The following CCDC33 variants were observed in gnomAD, a reference collection of about 807,000 sequenced individuals.
The protein encoded by CCDC33 is coiled-coil domain containing 33.
CCDC33 carries 94 observed loss-of-function variants against 91.9 expected under a neutral mutation model. That is an observed-to-expected ratio of 1.02 (90% CI 0.87 to 1.21). CCDC33 has a LOEUF of 1.21. CCDC33 is among the 50% of genes most tolerant of loss of function. CCDC33 has a pLI of 0.00. For missense variants in CCDC33, 940 were observed against 935.5 expected (o/e 1.00, Z -0.06); for synonymous variants, 396 against 374.5 (o/e 1.06, Z -0.66).
rs1595926016 is a variant in CCDC33, at chr15:74,243,650, T to A, written c.22-335T>A. ...GCTAGAGGGTGGCAGTGAAGGGAGG[T>A]GCCGCAGCAGAGGAGGCCACTCAGG... On this transcript the variant is annotated intron_variant, in intron 1 of 18. Coordinates refer to ENST00000398814, the MANE Select transcript of CCDC33 (RefSeq NM_025055.5). 7.8e-5 allele frequency: 36 copies of A among 460,334 alleles called. 1 individual carries two copies. Among genetic ancestry groups the A allele is most frequent in the South Asian group, 5.6e-4 (36 of 64,488 alleles). The allele number at this position is 460,334 out of a possible 1,614,324, so 28.5% of individuals were successfully genotyped here. A position where few individuals can be genotyped will look rare whatever the true frequency, so the allele number is the denominator to read the frequency against.
rs768224814 is a variant in CCDC33, at chr15:74,280,735, T to C, written c.957T>C (p.Arg319=). The change falls in exon 9 of 19, where the codon CGT becomes CGC. Residue 319 remains arginine, a synonymous_variant. Transcript: ENST00000398814. ...TCTCTGTGTTGCCGCTAAAGAGCCG[T>C]TTGTACCAGAAGATGCTGACAGGGA... ...LGISVLPLKS[R]LYQKMLTGKG... The C allele has an allele frequency of 1.3e-6, 2 of 1,577,114 alleles. No individual in the cohort carries two copies. Among genetic ancestry groups the C allele is most frequent in the Non-Finnish European group, 1.7e-6 (2 of 1,161,444 alleles).
rs1480222485 is a variant in CCDC33, at chr15:74,220,891, C to T, written c.675+2030C>T. 2.6e-5 allele frequency among the ~76,000 whole-genome samples: 4 copies of T among 152,168 alleles called. No individual in the cohort carries two copies. In the East Asian group the frequency reaches 5.8e-4, roughly 22 times the overall value. On this transcript the variant is annotated intron_variant, in intron 2 of 2. Transcript: ENST00000635913. ...CTGTTTCAGCTCCAGATAACTTGCT[C>T]TAGCAGTTCAGGCTAAGGAAGGCAG...
intron 2 of CCDC33, among the ~76,000 whole-genome samples, chr15:74,256,031 A>C (rs1195282606): frequency 2.0e-5 from 3 of 152,236 alleles, no homozygotes; most frequent in Non-Finnish European, 4.4e-5. Flanking sequence ...TTGCCCAGGC[A>C]GTGGGAACTG....
intron 10 of CCDC33, among the ~76,000 whole-genome samples, chr15:74,292,532 C>T (rs150708208): frequency 8.5e-5 from 13 of 152,316 alleles, no homozygotes; most frequent in Non-Finnish European, 1.8e-4. Flanking sequence ...AAGCAACTCC[C>T]TCTGATGTGC....
chr15:74,306,659 A>G (rs2059899197), intron 11 of CCDC33, among the ~76,000 whole-genome samples: 1 of 152,136 alleles, frequency 6.6e-6, no homozygotes, highest in African/African-American at 2.4e-5. Flanking sequence ...AATGGAGCGA[A>G]TGCCTCCCTC....
At chr15:74,287,920 TCTC>T (rs945063470) in intron 10 of CCDC33, among the ~76,000 whole-genome samples, 4 of 152,122 alleles carry the variant, frequency 2.6e-5, no homozygotes, top group Non-Finnish European at 5.9e-5. Context: ...CCATCCCACC[TCTC>T]CTCCTGCGCT....
At chr15:74,232,273 C>A (rs1175266772), upstream of CCDC33, among the ~76,000 whole-genome samples, 1 of 152,084 alleles carries the variant, frequency 6.6e-6, no homozygotes. Flanking sequence ...AGAAGGCATT[C>A]AAATTCAGGA....
intron 7 of CCDC33, 21 bp downstream of exon 7, chr15:74,272,912 T>C: frequency 6.2e-7 from 1 of 1,613,842 alleles, no homozygotes; most frequent in Non-Finnish European, 8.5e-7. Context: ...TCCCCAGTGG[T>C]TCCAGCTTCC....
At position 74,217,520 on chromosome 15, in the gene CCDC33, G is replaced by A. The variant is rs1385673919; in HGVS notation, c.249G>A (p.Gln83=). Reference sequence around the variant, plus strand: ...CTGCTATCACTGATGTCATTGAGCAGCAGGAGCCTGGCCAGAGCCTCACCC... The same window carrying A: ...CTGCTATCACTGATGTCATTGAGCAACAGGAGCCTGGCCAGAGCCTCACCC... The change falls in exon 1 of 3, where the codon CAG becomes CAA. Residue 83 remains glutamine, a synonymous_variant. Coordinates refer to the CCDC33 transcript ENST00000635913. 9 of 1,285,884 alleles carry A rather than the reference G, an allele frequency of 7.0e-6. No homozygotes were observed. In the South Asian group the frequency reaches 9.9e-5, roughly 14 times the overall value. 79.7% of individuals were successfully genotyped at this position (1,285,884 alleles called of 1,614,324 possible).
upstream of CCDC33, chr15:74,217,187 G>A (rs767684246): frequency 2.6e-5 from 27 of 1,051,232 alleles, no homozygotes; most frequent in Non-Finnish European, 3.3e-5. Context: ...TGAGCACCCA[G>A]CCTGCAGGCT....
upstream of CCDC33, among the ~76,000 whole-genome samples, chr15:74,232,163 G>A (rs1289425831): frequency 1.3e-5 from 2 of 152,196 alleles, no homozygotes; most frequent in Admixed American, 6.5e-5. Flanking sequence ...TGGTGGTGAC[G>A]ATGACAGCAG....
chr15:74,277,906 T>A (rs1308510995), intron 7 of CCDC33, among the ~76,000 whole-genome samples: 1 of 152,210 alleles, frequency 6.6e-6, no homozygotes, highest in Non-Finnish European at 1.5e-5. Flanking sequence ...GAGCAAGGTA[T>A]GGACGGCAGG....
At chr15:74,276,876 G>T (rs2076463714) in intron 7 of CCDC33, among the ~76,000 whole-genome samples, 1 of 152,204 alleles carries the variant, frequency 6.6e-6, no homozygotes, top group Non-Finnish European at 1.5e-5. Flanking sequence ...GGGGTCAGAA[G>T]TCATGGCTTT....
intron 4 of CCDC33, among the ~76,000 whole-genome samples, chr15:74,267,504 A>AG (rs1356037959): frequency 1.3e-5 from 2 of 150,872 alleles, no homozygotes. Flanking sequence ...CTAGTGCTGA[A>AG]GGGTAAGGGG....
chr15:74,213,990 T>G (rs2074391818), upstream of CCDC33, among the ~76,000 whole-genome samples: 1 of 152,164 alleles, frequency 6.6e-6, no homozygotes, highest in Non-Finnish European at 1.5e-5. Context: ...CCCCAGATCC[T>G]TGGCTCCAGA....
At chr15:74,336,369 A>G (rs1343579299), downstream of CCDC33, 1 of 1,336,998 alleles carries the variant, frequency 7.5e-7, no homozygotes, top group East Asian at 4.5e-5. Flanking sequence ...GACCCGGAGA[A>G]GAAGCAAGGC....
chr15:74,278,392 G>A (rs941298719), intron 7 of CCDC33, among the ~76,000 whole-genome samples: 3 of 152,270 alleles, frequency 2.0e-5, no homozygotes, highest in African/African-American at 7.2e-5. Flanking sequence ...AGCAGGAGGT[G>A]GGAGCGGCTG....
intron 11 of CCDC33, among the ~76,000 whole-genome samples, chr15:74,314,555 A>C (rs986277697): frequency 2.6e-5 from 4 of 152,110 alleles, no homozygotes; most frequent in Non-Finnish European, 4.4e-5. Context: ...AGGGGGCTTT[A>C]ACCAAGCTCT....
chr15:74,314,172 C>G (rs1457443601), intron 11 of CCDC33, among the ~76,000 whole-genome samples: 1 of 152,222 alleles, frequency 6.6e-6, no homozygotes, highest in African/African-American at 2.4e-5. Context: ...GAGGAGGGGG[C>G]TGGCTGGGGG....
Sources: allele counts gnomAD v4.1 joint callset (sites outside exome capture counted in the v4.1 genomes callset), GRCh38; gene constraint gnomAD v4.1.1; transcripts MANE v1.5; gene names NCBI Gene and HGNC (gene_info 2026-07-23, HGNC 2026-07-21).